ZBTB20: variants seen among roughly 807,000 people sequenced by gnomAD.
ZBTB20 encodes zinc finger and BTB domain-containing protein 20.
Under a neutral mutation model 56.9 loss-of-function variants are expected in ZBTB20, and 9 were observed. The observed-to-expected ratio is 0.16, with a 90% CI of 0.10 to 0.28. ZBTB20 has a LOEUF of 0.28. ZBTB20 is among the 10% of genes least tolerant of loss of function. The pLI, the probability that ZBTB20 is intolerant of heterozygous loss-of-function variation, is 1.00. For missense variants in ZBTB20, 655 were observed against 1,003.0 expected, an observed-to-expected ratio of 0.65 and a Z score of 4.69; for synonymous variants, 417 against 420.7, an observed-to-expected ratio of 0.99 and a Z score of 0.11.
chr3:114,955,780 C>G (rs897773176), intron 3 of ZBTB20, among the ~76,000 whole-genome samples: 2 of 151,962 alleles, frequency 1.3e-5, no homozygotes, highest in African/African-American at 4.8e-5. Flanking sequence ...AACCAACAAA[C>G]AAACAAACAA....
intron 1 of ZBTB20, among the ~76,000 whole-genome samples, chr3:115,083,784 C>T (rs1029425365): frequency 3.3e-5 from 5 of 151,834 alleles, no homozygotes; most frequent in Admixed American, 2.0e-4. Flanking sequence ...ATAACAAATT[C>T]CTAAGTGCTC....
chr3:114,995,184 A>C (rs2108177518), intron 2 of ZBTB20, among the ~76,000 whole-genome samples: 1 of 152,026 alleles, frequency 6.6e-6, no homozygotes, highest in South Asian at 2.1e-4. Context: ...GGAACTGTAA[A>C]CACAAGGGAA....
At chr3:115,078,451 G>A (rs907123242) in intron 1 of ZBTB20, among the ~76,000 whole-genome samples, 1 of 151,786 alleles carries the variant, frequency 6.6e-6, no homozygotes, top group Non-Finnish European at 1.5e-5. Context: ...GTTTTCACAT[G>A]TTTCACTCAT....
rs142980568 is a variant in ZBTB20 at position 114,863,838 on chromosome 3, T to G, written c.-417+36466A>C. Among the ~76,000 whole-genome samples, 190 of 152,118 alleles carry G rather than the reference T, an allele frequency of 1.2e-3. 1 individual carries two copies. Among genetic ancestry groups the G allele is most frequent in the African/African-American group, 4.0e-3 (168 of 41,540 alleles). The stretch of plus-strand genomic sequence containing the variant: ...GCTATAGTATATAAACTTCACTCTA[T>G]AAGAAAACCAAAGAGGCCAAGGGAC... On this transcript the variant is annotated intron_variant, in intron 4 of 11. Transcript: ENST00000675478.
intron 5 of ZBTB20, among the ~76,000 whole-genome samples, chr3:114,789,678 G>A (rs1446116759): frequency 6.6e-6 from 1 of 152,060 alleles, no homozygotes; most frequent in Non-Finnish European, 1.5e-5. Context: ...AAAAGATTAA[G>A]TATCCTTTTA....
At chr3:114,586,226 CTT>C (rs1216748838) in intron 6 of ZBTB20, among the ~76,000 whole-genome samples, 12 of 152,186 alleles carry the variant, frequency 7.9e-5, no homozygotes, top group Non-Finnish European at 1.2e-4. Context: ...CAAAAGCACT[CTT>C]GAGTTGTTTA....
chr3:114,700,134 T>A (rs2108368464), intron 5 of ZBTB20, among the ~76,000 whole-genome samples: 1 of 152,226 alleles, frequency 6.6e-6, no homozygotes, highest in East Asian at 1.9e-4. Context: ...TTTGACTCTT[T>A]AGAGTCTTTG....
rs2067714968 is a variant in ZBTB20, at chr3:114,753,323, ACCTGTATATAT to A, written c.-343+47767_-343+47777del. ...CTGTATATATAATGTATATATGTAT[ACCTGTATATAT>A]AATGTATATATGTATACATTATATA... On this transcript the variant is annotated intron_variant, in intron 5 of 11. Coordinates refer to ENST00000675478, the MANE Select transcript of ZBTB20 (RefSeq NM_001348800.3). Among the ~76,000 whole-genome samples, 2 of 139,024 alleles carry A rather than the reference ACCTGTATATAT, an allele frequency of 1.4e-5. 1 individual carries two copies. The highest frequency in any genetic ancestry group is 5.6e-5 in the African/African-American group (2 of 35,902). 91.2% of individuals were successfully genotyped at this position (139,024 alleles called of 152,430 possible).
intron 5 of ZBTB20, among the ~76,000 whole-genome samples, chr3:114,766,592 T>C (rs990523869): frequency 1.3e-5 from 2 of 151,650 alleles, no homozygotes; most frequent in Admixed American, 6.6e-5. Flanking sequence ...CAGGAAGTTA[T>C]AGCGTTATAC....
intron 2 of ZBTB20, among the ~76,000 whole-genome samples, chr3:115,012,920 G>GAAACTATAC (rs1445347878): frequency 2.6e-5 from 4 of 151,818 alleles, no homozygotes; most frequent in African/African-American, 9.6e-5. Flanking sequence ...AGGAATTCTG[G>GAAACTATAC]AAACTATACA....
chr3:114,574,410 C>G (rs1341406522), intron 6 of ZBTB20, among the ~76,000 whole-genome samples: 2 of 152,164 alleles, frequency 1.3e-5, no homozygotes, highest in South Asian at 4.1e-4. Context: ...TCCACTATCA[C>G]TATGAGTGTC....
intron 10 of ZBTB20, among the ~76,000 whole-genome samples, chr3:114,371,319 A>G (rs570823549): frequency 1.3e-5 from 2 of 152,222 alleles, no homozygotes; most frequent in Non-Finnish European, 2.9e-5. Flanking sequence ...TATTGTTTTA[A>G]GATTCTTGGT....
chr3:114,492,303 T>C (rs1014459596), intron 7 of ZBTB20, among the ~76,000 whole-genome samples: 1 of 152,226 alleles, frequency 6.6e-6, no homozygotes, highest in Non-Finnish European at 1.5e-5. Context: ...TAAATACCTG[T>C]GCAATATGCT....
intron 7 of ZBTB20, among the ~76,000 whole-genome samples, chr3:114,497,389 A>G (rs193133701): frequency 2.4e-4 from 37 of 152,270 alleles, no homozygotes; most frequent in Admixed American, 1.2e-3. Context: ...CCTGCTTTCC[A>G]GCCCAATCTC....
At chr3:115,141,376 T>G (rs570340937) in intron 1 of ZBTB20, among the ~76,000 whole-genome samples, 1 of 152,146 alleles carries the variant, frequency 6.6e-6, no homozygotes, top group Non-Finnish European at 1.5e-5. Flanking sequence ...AAGGCTTGAA[T>G]ACATAAAGCA....
At chr3:115,071,184 T>C (rs2082397117) in intron 2 of ZBTB20, 35 bp downstream of exon 2, 1 of 152,186 alleles carries the variant, frequency 6.6e-6, no homozygotes, top group Non-Finnish European at 1.5e-5. Context: ...ATGACAAGGC[T>C]GTGATTCAAA....
intron 10 of ZBTB20, among the ~76,000 whole-genome samples, chr3:114,370,753 T>C (rs2108437467): frequency 6.6e-6 from 1 of 152,350 alleles, no homozygotes; most frequent in Non-Finnish European, 1.5e-5. Flanking sequence ...GGACCCTGTT[T>C]GTAACTCAGT....
At chr3:114,419,678 C>CTT (rs1193238924) in intron 7 of ZBTB20, among the ~76,000 whole-genome samples, 1 of 152,042 alleles carries the variant, frequency 6.6e-6, no homozygotes. Flanking sequence ...TAGTCTCACA[C>CTT]TTAGCATATA....
chr3:114,817,190 TATAC>T (rs762185064), intron 4 of ZBTB20, among the ~76,000 whole-genome samples: 1 of 66,210 alleles, frequency 1.5e-5, no homozygotes, highest in Non-Finnish European at 2.7e-5. Flanking sequence ...TTATACAACT[TATAC>T]ACACACACAC....
Sources: gnomAD v4.1 joint callset for allele counts (sites outside exome capture counted in the v4.1 genomes callset) on GRCh38, gnomAD v4.1.1 for gene constraint, MANE v1.5 for transcripts, NCBI Gene and HGNC (gene_info 2026-07-23, HGNC 2026-07-21) for gene names.